Variants in HMGN5 observed in about 807,000 individuals in gnomAD.
The protein encoded by HMGN5 is high mobility group nucleosome-binding domain-containing protein 5.
In HMGN5, 4 loss-of-function variants were observed where a neutral mutation model predicts 9.5. The observed-to-expected ratio is 0.42, with a 90% confidence interval of 0.21 to 0.96. HMGN5 has a LOEUF of 0.96. Ranked by LOEUF, HMGN5 falls within the 40% of genes least tolerant of loss-of-function variation. The pLI, the probability that HMGN5 is intolerant of heterozygous loss-of-function variation, is 0.30. For synonymous variants in HMGN5, 55 were observed against 57.1 expected, an observed-to-expected ratio of 0.96 and a Z score of 0.16; for missense variants, 192 against 187.5, an observed-to-expected ratio of 1.02 and a Z score of -0.14.
intron 1 of HMGN5, among the ~76,000 whole-genome samples, chrX:81,168,619 A>G (rs1430758228): frequency 8.9e-6 from 1 of 111,739 alleles, no homozygotes; most frequent in Non-Finnish European, 1.9e-5. Flanking sequence ...AAGATGGGTG[A>G]TGAGTACTAT....
chrX:81,131,348 A>G lies in HMGN5; in HGVS notation c.-123-9676T>C, dbSNP rs142734465. On this transcript the variant is annotated intron_variant, in intron 1 of 6. Coordinates refer to ENST00000358130, the MANE Select transcript of HMGN5 (RefSeq NM_030763.3). ...CTATGTCTTTCTTAGGCAGTGGTGAATGGATGACATTTCGTTTTTCTTTCT... is the reference window on the plus strand; with the variant it reads ...CTATGTCTTTCTTAGGCAGTGGTGAGTGGATGACATTTCGTTTTTCTTTCT... Among the ~76,000 whole-genome samples the G allele has an allele frequency of 6.9e-3, 773 of 111,272 alleles. 6 individuals carry two copies. The highest frequency in any genetic ancestry group is 0.024 in the African/African-American group (734 of 30,679).
intron 1 of HMGN5, among the ~76,000 whole-genome samples, chrX:81,196,195 G>A (rs753680432): frequency 9.0e-6 from 1 of 111,393 alleles, no homozygotes; most frequent in South Asian, 3.9e-4. Context: ...GTGTTAATGT[G>A]TTGTGTGTTA....
intron 1 of HMGN5, among the ~76,000 whole-genome samples, chrX:81,198,084 T>C (rs1374555528): frequency 9.0e-6 from 1 of 111,561 alleles, no homozygotes; most frequent in Non-Finnish European, 1.9e-5. Context: ...AGCATGATGA[T>C]TGCAGCAGGT....
intron 1 of HMGN5, among the ~76,000 whole-genome samples, chrX:81,136,890 G>A (rs775760666): frequency 6.2e-4 from 69 of 111,026 alleles, no homozygotes; most frequent in African/African-American, 2.2e-3. Context: ...ATTTTAAAAA[G>A]GTAGGAATTA....
rs35363364 is a variant in HMGN5 at position 81,141,462 on chromosome X, CAGAGAGAG to C, written c.-123-19798_-123-19791del. Among the ~76,000 whole-genome samples the C allele has an allele frequency of 9.6e-5, 9 of 94,158 alleles. No individual in the cohort carries two copies. In the East Asian group the frequency reaches 1.0e-3, roughly 10 times the overall value. The allele number at this position is 94,158 out of a possible 115,157, so 81.8% of individuals were successfully genotyped here. On this transcript the variant is annotated intron_variant, in intron 1 of 6. Transcript: ENST00000358130. ...ATCCCCAGCTTCAAGTGATGCAAAA[CAGAGAGAG>C]AGAGAGAGAGAGAGAGAGAGAAAGA...
Position 81,198,348 on chromosome X carries a change from C to T in HMGN5, c.-124+3389G>A, listed in dbSNP as rs530962720. Among the ~76,000 whole-genome samples, 20 of 110,668 alleles carry T rather than the reference C, an allele frequency of 1.8e-4. No homozygotes were observed. In the South Asian group the frequency reaches 7.8e-3, roughly 43 times the overall value. On this transcript the variant is annotated intron_variant, in intron 1 of 6. Transcript: ENST00000358130. Reference sequence around the variant, plus strand: ...TTCACTCTTCCAGGCAGTGAGTTAACAGTAATAGTTAAGAAGGTGGCCTCT... The same window carrying T: ...TTCACTCTTCCAGGCAGTGAGTTAATAGTAATAGTTAAGAAGGTGGCCTCT...
intron 1 of HMGN5, among the ~76,000 whole-genome samples, chrX:81,123,636 G>T (rs1337788416): frequency 5.3e-5 from 6 of 112,375 alleles, no homozygotes; most frequent in Admixed American, 4.7e-4. Context: ...GCATTATTTT[G>T]TGAGTCGGAT....
Position 81,187,563 on chromosome X carries a change from T to A in HMGN5, c.-124+14174A>T, listed in dbSNP as rs1253006167. 2.7e-5 allele frequency among the ~76,000 whole-genome samples: 3 copies of A among 111,815 alleles called. No individual in the cohort carries two copies. The Admixed American group carries it at 2.9e-4, about 11-fold the overall frequency. On this transcript the variant is annotated intron_variant, in intron 1 of 6. Coordinates refer to ENST00000358130, the MANE Select transcript of HMGN5 (RefSeq NM_030763.3). ...TCCATTGGTATGGAATATATTTTTA[T>A]ATCTTTTTGTTTTCGATCCATGTGC...
At position 81,115,087 on chromosome X, in the gene HMGN5, T is replaced by C. The variant is rs2075249515; in HGVS notation, c.411A>G (p.Gln137=). 8.6e-7 allele frequency: 1 copy of C among 1,158,438 alleles called. No homozygotes were observed. The highest frequency in any genetic ancestry group is 1.1e-6 in the Non-Finnish European group (1 of 870,306). ...TTCCAGCTTCCCCTTTCTCTTCGTT[T>C]TGATCTTCTTCATCTTCTTTCTGAT... ...EEDQKEDEED[Q]NEEKGEAGKE... Residue 137 remains glutamine, a synonymous_variant, in exon 7 of 7, where the codon CAA becomes CAG. Coordinates refer to ENST00000358130, the MANE Select transcript of HMGN5 (RefSeq NM_030763.3).
At chrX:81,160,356 C>A (rs759319509) in intron 1 of HMGN5, among the ~76,000 whole-genome samples, 58 of 110,972 alleles carry the variant, frequency 5.2e-4, no homozygotes, top group South Asian at 4.5e-3. Context: ...TCTTTTCTTG[C>A]TTTTTATTTA....
chrX:81,129,167 T>G (rs906455475), intron 1 of HMGN5, among the ~76,000 whole-genome samples: 1 of 111,201 alleles, frequency 9.0e-6, no homozygotes, highest in East Asian at 2.8e-4. Flanking sequence ...AAAATAGGAA[T>G]AGTGGAAGAG....
At chrX:81,140,299 G>A (rs2075324478) in intron 1 of HMGN5, among the ~76,000 whole-genome samples, 2 of 111,227 alleles carry the variant, frequency 1.8e-5, no homozygotes, top group Non-Finnish European at 3.8e-5. Flanking sequence ...GGTGACTCAC[G>A]CCTGTAATCC....
chrX:81,142,151 A>G (rs1042691461), intron 1 of HMGN5, among the ~76,000 whole-genome samples: 1 of 111,793 alleles, frequency 8.9e-6, no homozygotes, highest in Non-Finnish European at 1.9e-5. Context: ...ATTCAAAATT[A>G]TACAGTAAGA....
At chrX:81,159,097 G>A (rs905799360) in intron 1 of HMGN5, among the ~76,000 whole-genome samples, 1 of 111,614 alleles carries the variant, frequency 9.0e-6, no homozygotes, top group African/African-American at 3.3e-5. Flanking sequence ...CATGGATAGA[G>A]CTGGAAGCCA....
intron 1 of HMGN5, among the ~76,000 whole-genome samples, chrX:81,198,946 T>C (rs149204388): frequency 0.026 from 2,935 of 111,816 alleles, 95 homozygotes; most frequent in African/African-American, 0.09. Flanking sequence ...TTGTCCCTGT[T>C]TGCACATGAC....
intron 1 of HMGN5, among the ~76,000 whole-genome samples, chrX:81,178,091 A>C (rs2075448619): frequency 8.9e-6 from 1 of 111,970 alleles, no homozygotes; most frequent in Non-Finnish European, 1.9e-5. Context: ...TTATAGCACT[A>C]AATGCCCATA....
At chrX:81,121,439 A>G in intron 2 of HMGN5, 96 bp downstream of exon 2, 1 of 914,392 alleles carries the variant, frequency 1.1e-6, no homozygotes, top group Non-Finnish European at 1.6e-6. Context: ...GAAGCCAAAA[A>G]GCTTTAAAAA....
chrX:81,179,726 A>G (rs932913033), intron 1 of HMGN5, among the ~76,000 whole-genome samples: 6 of 111,947 alleles, frequency 5.4e-5, no homozygotes, highest in African/African-American at 2.0e-4. Flanking sequence ...TGGAACCAAA[A>G]AAGAGCACGC....
intron 1 of HMGN5, among the ~76,000 whole-genome samples, chrX:81,161,052 C>A (rs1318884266): frequency 9.0e-6 from 1 of 110,744 alleles, no homozygotes; most frequent in African/African-American, 3.3e-5. Flanking sequence ...CCCATGTCAT[C>A]CTGGATGGCA....
Sources: allele counts gnomAD v4.1 joint callset (sites outside exome capture counted in the v4.1 genomes callset), GRCh38; gene constraint gnomAD v4.1.1; transcripts MANE v1.5; gene names NCBI Gene and HGNC (gene_info 2026-07-23, HGNC 2026-07-21).